Variants in TAF1 observed in about 807,000 individuals in gnomAD.
TAF1 encodes TATA-box binding protein associated factor 1, also known as transcription initiation factor TFIID subunit 1.
A neutral mutation model predicts 138.5 loss-of-function variants in TAF1; 2 were observed. That is an observed-to-expected ratio of 0.01 (90% CI 0.01 to 0.05). The LOEUF is 0.05. Ranked by LOEUF, TAF1 falls within the 10% of genes least tolerant of loss-of-function variation. The pLI is 1.00. For missense variants in TAF1, 709 were observed against 1,478.0 expected (o/e 0.48, Z 8.53); for synonymous variants, 437 against 503.2 (o/e 0.87, Z 1.76).
chrX:71,391,192 C>G (rs1335900114), intron 18 of TAF1, among the ~76,000 whole-genome samples: 1 of 111,092 alleles, frequency 9.0e-6, no homozygotes. Context: ...GTTTTTCCCT[C>G]ACTAACTTGA....
At chrX:71,467,253 T>G (rs2038783892), downstream of TAF1, among the ~76,000 whole-genome samples, 1 of 109,741 alleles carries the variant, frequency 9.1e-6, no homozygotes, top group Admixed American at 9.8e-5. Flanking sequence ...TCCACAGTGT[T>G]TGTGTCCCTG....
chrX:71,528,104 C>A, intron 13 of TAF1: 1 of 190,988 alleles, frequency 5.2e-6, no homozygotes, highest in Non-Finnish European at 1.0e-5. Context: ...CAAAACCTAC[C>A]ATTCGAGTGT....
At chrX:71,417,243 CATGGGAT>C (rs1316520911) in intron 28 of TAF1, among the ~76,000 whole-genome samples, 1 of 110,077 alleles carries the variant, frequency 9.1e-6, no homozygotes, top group Non-Finnish European at 1.9e-5. Flanking sequence ...GCCCCCTCAC[CATGGGAT>C]TCTCTGAGCC....
Position 71,489,149 on chromosome X carries a change from T to C in TAF1, c.1366+28346T>C, listed in dbSNP as rs1450452210. On this transcript the variant is annotated intron_variant and NMD_transcript_variant, in intron 13 of 14. Transcript: ENST00000373775. ...TGTCACTATCATATGCCGCCTGATG[T>C]CCAGTGTCTGGAAACCATTGTTTTA... 2.7e-5 allele frequency among the ~76,000 whole-genome samples: 3 copies of C among 110,298 alleles called. No homozygotes were observed. In the East Asian group the frequency reaches 8.5e-4, roughly 31 times the overall value.
chrX:71,381,119 C>T (rs377381941), intron 8 of TAF1, among the ~76,000 whole-genome samples: 1 of 112,647 alleles, frequency 8.9e-6, no homozygotes, highest in Non-Finnish European at 1.9e-5. Flanking sequence ...TTTGTTAATA[C>T]AATTTATTAC....
At chrX:71,438,207 C>G (rs935219310) in intron 32 of TAF1, among the ~76,000 whole-genome samples, 2 of 111,356 alleles carry the variant, frequency 1.8e-5, no homozygotes, top group African/African-American at 6.5e-5. Context: ...GCAACCATTA[C>G]CACTGTGTAT....
intron 14 of TAF1, among the ~76,000 whole-genome samples, chrX:71,386,613 C>T (rs550695699): frequency 8.9e-6 from 1 of 111,757 alleles, no homozygotes; most frequent in African/African-American, 3.3e-5. Context: ...AATAGGCGCA[C>T]GCCACCACAT....
At chrX:71,393,063 A>C (rs1371868611) in intron 20 of TAF1, 69 bp downstream of exon 20, 2 of 1,164,499 alleles carry the variant, frequency 1.7e-6, no homozygotes, top group Non-Finnish European at 1.2e-6. Context: ...GCTAGGAGGC[A>C]GATGTAAAGA....
intron 18 of TAF1, among the ~76,000 whole-genome samples, chrX:71,391,736 C>T (rs1000027414): frequency 8.4e-5 from 9 of 106,616 alleles, no homozygotes; most frequent in African/African-American, 2.4e-4. Flanking sequence ...AAGCCATTCT[C>T]GTGCCTCAGC....
At chrX:71,406,322 A>G (rs1284052517) in intron 25 of TAF1, among the ~76,000 whole-genome samples, 1 of 94,408 alleles carries the variant, frequency 1.1e-5, no homozygotes, top group Non-Finnish European at 2.1e-5. Context: ...AGCGAACTAC[A>G]TCTCAAAAAA....
At chrX:71,407,948 T>C (rs1178415470) in intron 27 of TAF1, 26 bp from the exon 28 acceptor site, 3 of 1,194,273 alleles carry the variant, frequency 2.5e-6, no homozygotes, top group Admixed American at 4.7e-5. Flanking sequence ...TATTTGCTGA[T>C]GTATGGTTCT....
intron 28 of TAF1, among the ~76,000 whole-genome samples, chrX:71,411,269 A>G (rs1455883791): frequency 1.8e-5 from 2 of 110,922 alleles, no homozygotes; most frequent in African/African-American, 6.6e-5. Context: ...TTTAGTAGAG[A>G]CAGGGTTTCA....
intron 8 of TAF1, among the ~76,000 whole-genome samples, chrX:71,380,760 G>C (rs974065817): frequency 9.0e-6 from 1 of 111,413 alleles, no homozygotes; most frequent in Non-Finnish European, 1.9e-5. Flanking sequence ...GCGCGATCTT[G>C]GCTCACTGCA....
chrX:71,426,599 C>T (rs185906644), intron 32 of TAF1, among the ~76,000 whole-genome samples: 84 of 110,370 alleles, frequency 7.6e-4, no homozygotes, highest in Non-Finnish European at 1.3e-3. Flanking sequence ...CCTGTGATCC[C>T]AGCTAGTCGG....
intron 13 of TAF1, among the ~76,000 whole-genome samples, chrX:71,479,870 CAG>C (rs1486291075): frequency 9.0e-6 from 1 of 111,335 alleles, no homozygotes; most frequent in African/African-American, 3.3e-5. Context: ...GCTAGGCTAT[CAG>C]GGGAAGGAGA....
intron 13 of TAF1, among the ~76,000 whole-genome samples, chrX:71,482,948 C>T (rs2039096784): frequency 1.8e-5 from 2 of 110,728 alleles, no homozygotes; most frequent in African/African-American, 6.6e-5. Flanking sequence ...CTCATAGCAT[C>T]TTCACCAGGA....
intron 24 of TAF1, among the ~76,000 whole-genome samples, chrX:71,399,129 C>T (rs752773749): frequency 2.5e-4 from 28 of 110,481 alleles, no homozygotes; most frequent in Non-Finnish European, 3.6e-4. Flanking sequence ...TTGTAGAGAC[C>T]GGGTTTTGCC....
intron 32 of TAF1, among the ~76,000 whole-genome samples, chrX:71,426,057 C>T (rs1482922038): frequency 1.9e-5 from 2 of 106,304 alleles, no homozygotes; most frequent in African/African-American, 3.4e-5. Context: ...CTCAGGAGTG[C>T]AAGACCAGCC....
intron 15 of TAF1, 137 bp downstream of exon 15, chrX:71,387,598 A>AG (rs755086619): frequency 1.4e-6 from 1 of 697,935 alleles, no homozygotes; most frequent in Admixed American, 3.6e-5. Flanking sequence ...CAGGAGTTCG[A>AG]GACCAGCCTG....
Sources: allele counts gnomAD v4.1 joint callset (sites outside exome capture counted in the v4.1 genomes callset), GRCh38; gene constraint gnomAD v4.1.1; transcripts MANE v1.5; gene names NCBI Gene and HGNC (gene_info 2026-07-23, HGNC 2026-07-21).